Variants in STK33 observed in about 807,000 individuals in gnomAD.
The protein encoded by STK33 is serine/threonine kinase 33.
A neutral mutation model predicts 58.0 loss-of-function variants in STK33; 52 were observed. The ratio of observed to expected loss-of-function variants is 0.90; its 90% CI spans 0.72 to 1.13. The LOEUF is 1.13. Ranked by LOEUF, STK33 falls within the 50% of genes most tolerant of loss-of-function variation. STK33 has a pLI of 0.00. For synonymous variants in STK33, 215 were observed against 200.1 expected, an observed-to-expected ratio of 1.07 and a Z score of -0.63; for missense variants, 630 against 604.2, an observed-to-expected ratio of 1.04 and a Z score of -0.45.
At chr11:8,472,672 AT>A (rs1248347553) in intron 6 of STK33, among the ~76,000 whole-genome samples, 2 of 152,144 alleles carry the variant, frequency 1.3e-5, no homozygotes, top group Non-Finnish European at 2.9e-5. Context: ...ACACATTTTA[AT>A]TTTTTTATTG....
At chr11:8,395,134 T>C (rs951743955) in intron 15 of STK33, among the ~76,000 whole-genome samples, 1 of 152,234 alleles carries the variant, frequency 6.6e-6, no homozygotes, top group Admixed American at 6.5e-5. Flanking sequence ...CAATTTCCTA[T>C]GGTTCAATCT....
the STK33 span, among the ~76,000 whole-genome samples, chr11:8,356,951 G>A: frequency 1.1e-4 from 17 of 152,184 alleles, no homozygotes; most frequent in Non-Finnish European, 2.4e-4. Flanking sequence ...AGAGGAAGCC[G>A]TCCCTGAAGT....
chr11:8,448,843 G>C (rs377456480), intron 11 of STK33, among the ~76,000 whole-genome samples: 2 of 152,138 alleles, frequency 1.3e-5, no homozygotes, highest in East Asian at 1.9e-4. Flanking sequence ...AGAGTGCACA[G>C]GCAACCTACG....
At chr11:8,347,499 T>C in the STK33 span, among the ~76,000 whole-genome samples, 1 of 152,254 alleles carries the variant, frequency 6.6e-6, no homozygotes, top group South Asian at 2.1e-4. Flanking sequence ...CTCTGTTCCC[T>C]ATCAACACTC....
At chr11:8,335,676 G>GT in the STK33 span, among the ~76,000 whole-genome samples, 1,405 of 152,292 alleles carry the variant, frequency 9.2e-3, 23 homozygotes, top group African/African-American at 0.033. Flanking sequence ...GTTTCCAGGA[G>GT]TCACATTTAA....
chr11:8,568,843 C>G (rs1957616894), intron 1 of STK33, among the ~76,000 whole-genome samples: 1 of 152,044 alleles, frequency 6.6e-6, no homozygotes, highest in Non-Finnish European at 1.5e-5. Context: ...TTTTCTTGTA[C>G]TAAAGCAACA....
intron 1 of STK33, among the ~76,000 whole-genome samples, chr11:8,561,362 A>G (rs1014191183): frequency 2.0e-5 from 3 of 152,178 alleles, no homozygotes; most frequent in African/African-American, 7.2e-5. Flanking sequence ...ACACTGTTCA[A>G]CTGCCTCCTG....
the STK33 span, among the ~76,000 whole-genome samples, chr11:8,382,759 G>A: frequency 5.3e-5 from 8 of 152,202 alleles, no homozygotes; most frequent in African/African-American, 1.2e-4. Context: ...CCTGTAATTC[G>A]GTTTGTGCCT....
intron 1 of STK33, among the ~76,000 whole-genome samples, chr11:8,553,755 A>G (rs989115718): frequency 1.3e-5 from 2 of 152,210 alleles, no homozygotes; most frequent in Non-Finnish European, 2.9e-5. Flanking sequence ...ATCCACATGC[A>G]GAAGAATGAA....
chr11:8,557,997 C>T lies in STK33; in HGVS notation c.-466+36086G>A, dbSNP rs560066803. On this transcript the variant is annotated intron_variant, in intron 1 of 15. Coordinates refer to ENST00000687296, the MANE Select transcript of STK33 (RefSeq NM_001352389.2). ...GCATTTGGGACCTTATCTCAAGATGCAGCCCTTCACAAAAATTTAACTTAG... is the reference window on the plus strand; with the variant it reads ...GCATTTGGGACCTTATCTCAAGATGTAGCCCTTCACAAAAATTTAACTTAG... Among the ~76,000 whole-genome samples, 5 of 152,224 alleles carry T rather than the reference C, an allele frequency of 3.3e-5. No homozygotes were observed. The East Asian group carries it at 7.7e-4, about 24-fold the overall frequency.
At chr11:8,358,527 G>C in the STK33 span, among the ~76,000 whole-genome samples, 1 of 152,176 alleles carries the variant, frequency 6.6e-6, no homozygotes, top group East Asian at 1.9e-4. Flanking sequence ...TGAAAGAGTA[G>C]TCTTAAAGGC....
intron 15 of STK33, 89 bp downstream of exon 15, chr11:8,413,406 C>G (rs1406265186): frequency 6.4e-6 from 9 of 1,409,800 alleles, no homozygotes; most frequent in Non-Finnish European, 8.9e-6. Flanking sequence ...TACAAACTAA[C>G]AACAAAAAGA....
the STK33 span, among the ~76,000 whole-genome samples, chr11:8,354,472 CCT>C: frequency 8.6e-4 from 48 of 55,988 alleles, no homozygotes; most frequent in African/African-American, 3.3e-3. Flanking sequence ...GTCTGCAAAA[CCT>C]CACACACACA....
the STK33 span, among the ~76,000 whole-genome samples, chr11:8,382,617 C>T: frequency 1.3e-5 from 2 of 152,160 alleles, no homozygotes; most frequent in Non-Finnish European, 2.9e-5. Context: ...CTTACACAGA[C>T]ACAGACCACA....
chr11:8,464,492 CTTTCA>C (rs1409015316), intron 7 of STK33, among the ~76,000 whole-genome samples: 4 of 151,938 alleles, frequency 2.6e-5, no homozygotes, highest in African/African-American at 9.7e-5. Context: ...TATGTTATTC[CTTTCA>C]TTTGTTTTTT....
chr11:8,409,994 T>C lies in STK33; in HGVS notation c.1344+3501A>G, dbSNP rs539708852. Among the ~76,000 whole-genome samples, 129 of 152,266 alleles carry C rather than the reference T, an allele frequency of 8.5e-4. 1 individual carries two copies. The highest frequency in any genetic ancestry group is 2.9e-3 in the African/African-American group (121 of 41,566). Reference sequence around the variant, plus strand: ...TCCGAAGTTATACTTTTAACTATTATGATATTTTAAGGGCTGTGCTTGGGT... The same window carrying C: ...TCCGAAGTTATACTTTTAACTATTACGATATTTTAAGGGCTGTGCTTGGGT... On this transcript the variant is annotated intron_variant, in intron 15 of 15. Coordinates refer to ENST00000687296, the MANE Select transcript of STK33 (RefSeq NM_001352389.2).
intron 1 of STK33, among the ~76,000 whole-genome samples, chr11:8,543,350 TAAAC>T (rs1454108829): frequency 1.3e-5 from 2 of 152,242 alleles, no homozygotes; most frequent in African/African-American, 4.8e-5. Context: ...CATTTGTTGA[TAAAC>T]CAACGTATTT....
intron 1 of STK33, among the ~76,000 whole-genome samples, chr11:8,586,108 T>C (rs1433376474): frequency 1.3e-5 from 2 of 151,362 alleles, no homozygotes; most frequent in Admixed American, 6.6e-5. Flanking sequence ...TCCCAGCTAC[T>C]CAGGAGGCTG....
rs1466875516 is a variant in STK33, at chr11:8,413,585, C to T, written c.1254G>A (p.Lys418=). 1 of 1,614,024 alleles carries T rather than the reference C, an allele frequency of 6.2e-7. No individual in the cohort carries two copies. Among genetic ancestry groups the T allele is most frequent in the East Asian group, 2.2e-5 (1 of 44,868 alleles). The change falls in exon 15 of 16, where the codon AAG becomes AAA. Residue 418 remains lysine (K), a synonymous_variant. Transcript: ENST00000687296. ...VEENTTEEKN[K]PSTEEKLKSY... ...TTTTCAACTTTTCTTCAGTGGACGG[C>T]TTATTCTTCTCTTCTGTTGTGTTTT...
Sources: allele counts gnomAD v4.1 joint callset (sites outside exome capture counted in the v4.1 genomes callset), GRCh38; gene constraint gnomAD v4.1.1; transcripts MANE v1.5; gene names NCBI Gene and HGNC (gene_info 2026-07-23, HGNC 2026-07-21).